WIPI1: variants seen among roughly 807,000 people sequenced by gnomAD.
The protein encoded by WIPI1 is WD repeat domain phosphoinositide-interacting protein 1.
In WIPI1, 45 loss-of-function variants were observed where a neutral mutation model predicts 55.3. The ratio of observed to expected loss-of-function variants is 0.81; its 90% CI spans 0.64 to 1.04. The LOEUF (loss-of-function observed/expected upper bound fraction) is 1.04, where lower values mean the gene tolerates loss of function less well. WIPI1 is among the 50% of genes least tolerant of loss of function. The pLI is 0.00. For synonymous variants in WIPI1, 195 were observed against 217.6 expected, an observed-to-expected ratio of 0.90 and a Z score of 0.92; for missense variants, 445 against 559.0, an observed-to-expected ratio of 0.80 and a Z score of 2.06.
At chr17:68,427,111 CCT>C (rs1366309528) in intron 11 of WIPI1, 22 bp downstream of exon 11, 7 of 1,588,728 alleles carry the variant, frequency 4.4e-6, no homozygotes, top group Non-Finnish European at 5.2e-6. Flanking sequence ...GAGATGCTCC[CCT>C]GTTGGCCCCG....
At chr17:68,426,249 C>CGG (rs1316424396) in intron 11 of WIPI1, 74 bp from the exon 12 acceptor site, 4 of 787,864 alleles carry the variant, frequency 5.1e-6, no homozygotes, top group Admixed American at 3.5e-5. Context: ...GGGTGGGGAG[C>CGG]GGGGGCTCAA....
At chr17:68,437,002 A>AG (rs1249357942) in intron 4 of WIPI1, among the ~76,000 whole-genome samples, 1 of 60,650 alleles carries the variant, frequency 1.6e-5, no homozygotes, top group Non-Finnish European at 4.0e-5. Flanking sequence ...TCAAAAAAAA[A>AG]AAAATATATA....
chr17:68,453,000 G>T lies in WIPI1; in HGVS notation c.81-8C>A. On this transcript the variant is annotated splice_region_variant and splice_polypyrimidine_tract_variant and intron_variant, in intron 1 of 12. Coordinates refer to ENST00000262139, the MANE Select transcript of WIPI1 (RefSeq NM_017983.7). The stretch of plus-strand genomic sequence containing the variant: ...GTTCCAGTTGCTAGGGATCTGTGGA[G>T]GATAATGACAGCATGGGAATAACGA... The T allele has an allele frequency of 6.2e-7, 1 of 1,608,072 alleles. No homozygotes were observed. The highest frequency in any genetic ancestry group is 8.5e-7 in the Non-Finnish European group (1 of 1,174,678).
intron 1 of WIPI1, among the ~76,000 whole-genome samples, chr17:68,454,234 G>A (rs1409657410): frequency 6.6e-6 from 1 of 152,184 alleles, no homozygotes; most frequent in Non-Finnish European, 1.5e-5. Flanking sequence ...GCACCTAAGT[G>A]ATGAACAGAA....
In WIPI1 at chr17:68,457,352, G is replaced by C; in HGVS notation, c.70C>G (p.Gln24Glu). The stretch of plus-strand genomic sequence containing the variant: ...CGAGTCGCAGCTTACGTGCAGTCCT[G>C]GTTGAAAGAGAAGCAGCTGAGCGCC... ...ESALSCFSFN[Q>E]DCTSLATGTK... Residue 24 changes from glutamine to glutamate, a missense_variant, in exon 1 of 13, where the codon CAG becomes GAG. Transcript: ENST00000262139. 6.5e-7 allele frequency: 1 copy of C among 1,544,182 alleles called. No individual in the cohort carries two copies. Among genetic ancestry groups the C allele is most frequent in the Non-Finnish European group, 8.7e-7 (1 of 1,145,142 alleles).
intron 8 of WIPI1, among the ~76,000 whole-genome samples, chr17:68,432,504 T>C (rs1371067793): frequency 6.6e-6 from 1 of 152,190 alleles, no homozygotes; most frequent in African/African-American, 2.4e-5. Context: ...GTCCCAGCAC[T>C]TTGGGAGGTT....
At position 68,423,340 on chromosome 17, in the gene WIPI1, C is replaced by T. The variant is rs2082934588; in HGVS notation, c.1294-1520G>A. Among the ~76,000 whole-genome samples, 1 of 152,200 alleles carries T rather than the reference C, an allele frequency of 6.6e-6. No individual in the cohort carries two copies. The highest frequency in any genetic ancestry group is 2.1e-4 in the South Asian group (1 of 4,832). On this transcript the variant is annotated intron_variant, in intron 12 of 12. Transcript: ENST00000262139. This position sits in a 1 kb window ranked among gnomAD's most constrained non-coding sequence, Gnocchi z 4.4. ...GAGCATCCCAGGAGCATGCATGCCT[C>T]TGGTCCTTACATGGTGAGATGGAGA...
At position 68,426,090 on chromosome 17, in the gene WIPI1, CTCA is replaced by C. The variant is rs2083153264; in HGVS notation, c.1275_1277del (p.Asp425del). 1.2e-6 allele frequency: 2 copies of C among 1,612,688 alleles called. No homozygotes were observed. Among genetic ancestry groups the C allele is most frequent in the Non-Finnish European group, 1.7e-6 (2 of 1,180,026 alleles). On this transcript the variant is annotated inframe_deletion, in exon 12 of 13. Coordinates refer to ENST00000262139, the MANE Select transcript of WIPI1 (RefSeq NM_017983.7). ...TAATGCTCACAGGAGGAAACTCATT[CTCA>C]TCATCAAGACACACTGGTCCCGTCG...
At chr17:68,435,036 G>A (rs781556369) in intron 6 of WIPI1, among the ~76,000 whole-genome samples, 5 of 151,942 alleles carry the variant, frequency 3.3e-5, no homozygotes, top group South Asian at 2.1e-4. Flanking sequence ...GTGAAACCCC[G>A]TCTCCACTAA....
chr17:68,421,603 TG>T lies in WIPI1; in HGVS notation c.*169del. ...CCGCGCCCATTGGCAACCAGGGTCG[TG>T]GGAAGCTTGGTGAGGAGTTAACCAG... On this transcript the variant is annotated 3_prime_UTR_variant, in exon 13 of 13. Coordinates refer to ENST00000262139, the MANE Select transcript of WIPI1 (RefSeq NM_017983.7). 1.2e-6 allele frequency: 1 copy of T among 842,732 alleles called. No homozygotes were observed. The highest frequency in any genetic ancestry group is 1.9e-6 in the Non-Finnish European group (1 of 519,550). The allele number at this position is 842,732 out of a possible 1,614,324, so 52.2% of individuals were successfully genotyped here.
chr17:68,428,801 G>T, intron 10 of WIPI1, 28 bp downstream of exon 10: 1 of 1,556,126 alleles, frequency 6.4e-7, no homozygotes. Context: ...CTCTCGAAAG[G>T]CTGTCTTTTG....
At chr17:68,455,406 C>A (rs921045132) in intron 1 of WIPI1, among the ~76,000 whole-genome samples, 7 of 149,466 alleles carry the variant, frequency 4.7e-5, no homozygotes, top group African/African-American at 1.7e-4. Flanking sequence ...AGCACAAGTA[C>A]CAATCACGAA....
In WIPI1 at chr17:68,426,104, A is replaced by G; in HGVS notation, c.1264T>C (p.Cys422Arg). The change falls in exon 12 of 13, where the codon TGT (cysteine) becomes CGT (arginine). Residue 422 changes from cysteine (C) to arginine (R), a missense_variant. Transcript: ENST00000262139. Reference protein sequence around the residue: ...PEHEFATGPVCLDDENEFPPI... With the variant: ...PEHEFATGPVRLDDENEFPPI... ...GGAAACTCATTCTCATCATCAAGAC[A>G]CACTGGTCCCGTCGCAAACTCATGT... The G allele has an allele frequency of 6.2e-7, 1 of 1,612,732 alleles. No homozygotes were observed. The highest frequency in any genetic ancestry group is 1.1e-5 in the South Asian group (1 of 91,020).
At chr17:68,421,904 G>T in intron 12 of WIPI1, 84 bp from the exon 13 acceptor site, 1 of 1,558,238 alleles carries the variant, frequency 6.4e-7, no homozygotes, top group Non-Finnish European at 8.8e-7. Context: ...CTGTGCCCAT[G>T]CAGAGTGAGC....
At chr17:68,435,390 T>G (rs2083734717) in intron 6 of WIPI1, among the ~76,000 whole-genome samples, 1 of 152,242 alleles carries the variant, frequency 6.6e-6, no homozygotes, top group Non-Finnish European at 1.5e-5. Context: ...CGAGTTTTCA[T>G]GCAAAGTGTC....
intron 1 of WIPI1, among the ~76,000 whole-genome samples, chr17:68,456,109 G>T (rs1170897641): frequency 2.6e-5 from 4 of 152,202 alleles, no homozygotes. Context: ...TGTGTTATGG[G>T]TATTGGGTGA....
chr17:68,444,603 G>A lies in WIPI1; in HGVS notation c.334-14C>T. ...AACCAGCAGCCTCTGTAATCACACA[G>A]ACTTATCAGTCTACCGAACCGTTCC... On this transcript the variant is annotated splice_polypyrimidine_tract_variant and intron_variant, in intron 3 of 12. Coordinates refer to ENST00000262139, the MANE Select transcript of WIPI1 (RefSeq NM_017983.7). 1 of 1,606,148 alleles carries A rather than the reference G, an allele frequency of 6.2e-7. No homozygotes were observed. Among genetic ancestry groups the A allele is most frequent in the Non-Finnish European group, 8.5e-7 (1 of 1,175,408 alleles).
rs1186641561 is a variant in WIPI1 at position 68,423,465 on chromosome 17, C to T, written c.1294-1645G>A. 2.6e-5 allele frequency among the ~76,000 whole-genome samples: 4 copies of T among 152,298 alleles called. No individual in the cohort carries two copies. Among genetic ancestry groups the T allele is most frequent in the East Asian group, 1.9e-4 (1 of 5,174 alleles). ...CAGACTGAGAGGTTGGTGGCTGCCA[C>T]GACACAGCCCTGCACACAGGGGCTG... On this transcript the variant is annotated intron_variant, in intron 12 of 12. Transcript: ENST00000262139. The surrounding 1 kb of genome is among the most constrained non-coding windows in gnomAD (Gnocchi z 4.4).
intron 1 of WIPI1, among the ~76,000 whole-genome samples, chr17:68,456,446 C>CA (rs1429011114): frequency 6.6e-6 from 1 of 152,114 alleles, no homozygotes; most frequent in Non-Finnish European, 1.5e-5. Context: ...TCAGGGTGCA[C>CA]ATTCCAAAAA....
Sources: allele counts gnomAD v4.1 joint callset (sites outside exome capture counted in the v4.1 genomes callset), GRCh38; gene constraint gnomAD v4.1.1; non-coding constraint Gnocchi (gnomAD v3.1); transcripts MANE v1.5; gene names NCBI Gene and HGNC (gene_info 2026-07-23, HGNC 2026-07-21).